The following TBC1D31 variants were observed in gnomAD, a reference collection of about 807,000 sequenced individuals.
The protein encoded by TBC1D31 is WD repeat domain 67.
Under a neutral mutation model 132.9 loss-of-function variants are expected in TBC1D31, and 99 were observed. That is an observed-to-expected ratio of 0.74 (90% CI 0.63 to 0.88). TBC1D31 has a LOEUF of 0.88. Among genes scored for constraint, TBC1D31 ranks in the 40% least tolerant of loss-of-function variants. The pLI is 0.00. For missense variants in TBC1D31, 1,134 were observed against 1,256.6 expected (o/e 0.90, Z 1.48); for synonymous variants, 385 against 419.4 (o/e 0.92, Z 1.00).
chr8:123,097,249 C>A (rs1368902588), intron 5 of TBC1D31, 33 bp from the exon 6 acceptor site: 2 of 1,610,528 alleles, frequency 1.2e-6, no homozygotes, highest in Non-Finnish European at 8.5e-7. Flanking sequence ...ACAATTGAAC[C>A]CGTTTTTCTT....
intron 1 of TBC1D31, 21 bp downstream of exon 1, chr8:123,072,867 G>A: frequency 1.9e-6 from 3 of 1,553,764 alleles, no homozygotes; most frequent in Non-Finnish European, 1.7e-6. Context: ...TGGCGGGAGG[G>A]CGCGGGCTGT....
In TBC1D31 at chr8:123,152,043, G is replaced by A; in HGVS notation, c.*104G>A. The A allele has an allele frequency of 1.7e-6, 2 of 1,149,450 alleles. No individual in the cohort carries two copies. The highest frequency in any genetic ancestry group is 2.3e-6 in the Non-Finnish European group (2 of 885,994). 71.2% of individuals were successfully genotyped at this position (1,149,450 alleles called of 1,614,324 possible). A position where few individuals can be genotyped will look rare whatever the true frequency, so the allele number is the denominator to read the frequency against. ...AAATTCCTATAAAGATCAGCCCTTT[G>A]TACAGAAAAATGTGTCTATAAAAAT... On this transcript the variant is annotated 3_prime_UTR_variant, in exon 22 of 22. Coordinates refer to ENST00000287380, the MANE Select transcript of TBC1D31 (RefSeq NM_145647.4).
At chr8:123,127,827 G>A (rs1820221890) in intron 13 of TBC1D31, 2 of 154,618 alleles carry the variant, frequency 1.3e-5, no homozygotes, top group South Asian at 4.0e-4. Context: ...TTATTTAGTG[G>A]TTACTGTCCA....
At chr8:123,099,062 A>C (rs1397283473) in intron 6 of TBC1D31, among the ~76,000 whole-genome samples, 2 of 152,226 alleles carry the variant, frequency 1.3e-5, no homozygotes, top group Non-Finnish European at 2.9e-5. Flanking sequence ...TAGACAAGGC[A>C]GCATGGGGGT....
intron 4 of TBC1D31, among the ~76,000 whole-genome samples, chr8:123,089,742 T>A (rs1387498851): frequency 1.3e-5 from 2 of 152,252 alleles, no homozygotes; most frequent in African/African-American, 4.8e-5. Flanking sequence ...TGTTATTTAT[T>A]TTTTAGTTAC....
intron 2 of TBC1D31, 111 bp downstream of exon 2, chr8:123,077,368 A>G (rs1563663319): frequency 8.7e-7 from 1 of 1,145,548 alleles, no homozygotes; most frequent in Non-Finnish European, 1.2e-6. Flanking sequence ...GTTCTATTAT[A>G]TTTCAGGTAC....
At chr8:123,164,446 G>C in the TBC1D31 span, among the ~76,000 whole-genome samples, 1 of 152,194 alleles carries the variant, frequency 6.6e-6, no homozygotes, top group African/African-American at 2.4e-5. Flanking sequence ...TCCAGGCCAG[G>C]CGCAGTGGCT....
At chr8:123,106,188 T>G (rs181720013) in intron 8 of TBC1D31, among the ~76,000 whole-genome samples, 2 of 152,346 alleles carry the variant, frequency 1.3e-5, no homozygotes, top group Non-Finnish European at 2.9e-5. Flanking sequence ...GGTCCAAATA[T>G]ATTCAAAGGA....
At chr8:123,116,400 A>T (rs192141336) in intron 10 of TBC1D31, among the ~76,000 whole-genome samples, 1 of 152,326 alleles carries the variant, frequency 6.6e-6, no homozygotes, top group African/African-American at 2.4e-5. Flanking sequence ...TTTTGTATAC[A>T]AATAGCTCAA....
At chr8:123,073,234 G>A (rs1451504756) in intron 1 of TBC1D31, 15 of 470,310 alleles carry the variant, frequency 3.2e-5, no homozygotes, top group Middle Eastern at 6.3e-4. Flanking sequence ...AGGAGATGCG[G>A]GGTGGAAGAG....
chr8:123,094,475 G>A (rs1487526971), intron 5 of TBC1D31, among the ~76,000 whole-genome samples: 1 of 151,854 alleles, frequency 6.6e-6, no homozygotes, highest in Admixed American at 6.6e-5. Context: ...AGATAAGGGC[G>A]CTTTTGGAAA....
chr8:123,074,349 A>G (rs541364693), intron 1 of TBC1D31, among the ~76,000 whole-genome samples: 2 of 152,310 alleles, frequency 1.3e-5, no homozygotes, highest in Admixed American at 1.3e-4. Context: ...CCTACTCTGT[A>G]TATCCAAAGT....
chr8:123,095,897 A>G (rs972867465), intron 5 of TBC1D31, among the ~76,000 whole-genome samples: 3 of 152,192 alleles, frequency 2.0e-5, no homozygotes, highest in Admixed American at 6.5e-5. Flanking sequence ...AAGAGTTACA[A>G]AATAGATGTT....
rs141980986 is a variant in TBC1D31, at chr8:123,077,555, G to A, written c.224+298G>A. On this transcript the variant is annotated intron_variant, in intron 2 of 21. Transcript: ENST00000287380. ...CTAATTTTTTTTTTTTTCTTCAGACGGAGCCTTGTTCTGTCGCCCAGGCTG... is the reference window on the plus strand; with the variant it reads ...CTAATTTTTTTTTTTTTCTTCAGACAGAGCCTTGTTCTGTCGCCCAGGCTG... Among the ~76,000 whole-genome samples the A allele has an allele frequency of 5.4e-3, 778 of 144,474 alleles. 15 individuals are homozygous for A. Among genetic ancestry groups the A allele is most frequent in the African/African-American group, 0.018 (701 of 38,968 alleles). 94.8% of individuals were successfully genotyped at this position (144,474 alleles called of 152,430 possible). A position where few individuals can be genotyped will look rare whatever the true frequency, so the allele number is the denominator to read the frequency against.
chr8:123,144,066 A>AT (rs1351420646), intron 19 of TBC1D31, among the ~76,000 whole-genome samples: 9 of 152,186 alleles, frequency 5.9e-5, no homozygotes, highest in African/African-American at 1.9e-4. Context: ...CTATTTTGTG[A>AT]TTTTTTAAAA....
At chr8:123,092,172 A>G (rs1432166901) in intron 4 of TBC1D31, among the ~76,000 whole-genome samples, 1 of 151,832 alleles carries the variant, frequency 6.6e-6, no homozygotes, top group Non-Finnish European at 1.5e-5. Flanking sequence ...CTGCCACCAC[A>G]CCCGGCTAAT....
chr8:123,147,695 G>T (rs1187680801), intron 20 of TBC1D31, among the ~76,000 whole-genome samples: 1 of 152,030 alleles, frequency 6.6e-6, no homozygotes, highest in Non-Finnish European at 1.5e-5. Context: ...GAGATAATTT[G>T]ATTAATAAAC....
intron 10 of TBC1D31, among the ~76,000 whole-genome samples, chr8:123,119,759 C>T (rs916394002): frequency 1.2e-4 from 19 of 152,218 alleles, no homozygotes; most frequent in African/African-American, 4.6e-4. Flanking sequence ...CGGTACGAAG[C>T]TATCATATCC....
chr8:123,075,404 T>C (rs1814397558), intron 1 of TBC1D31, among the ~76,000 whole-genome samples: 1 of 152,172 alleles, frequency 6.6e-6, no homozygotes, highest in Non-Finnish European at 1.5e-5. Context: ...ATGTTTCTAA[T>C]ATAAAATCCA....
Sources: allele counts gnomAD v4.1 joint callset (sites outside exome capture counted in the v4.1 genomes callset), GRCh38; gene constraint gnomAD v4.1.1; transcripts MANE v1.5; gene names NCBI Gene and HGNC (gene_info 2026-07-23, HGNC 2026-07-21).